Variants in GRM8 observed in about 807,000 individuals in gnomAD.
GRM8 encodes the protein metabotropic glutamate receptor 8.
A neutral mutation model predicts 87.2 loss-of-function variants in GRM8; 47 were observed. That is an observed-to-expected ratio of 0.54 (90% CI 0.43 to 0.69). The LOEUF is 0.69. GRM8 is among the 30% of genes least tolerant of loss of function. The pLI, the probability that GRM8 is intolerant of heterozygous loss-of-function variation, is 0.00. For missense variants in GRM8, 1,019 were observed against 1,139.2 expected (o/e 0.89, Z 1.52); for synonymous variants, 396 against 404.5 (o/e 0.98, Z 0.25).
At chr7:126,914,470 A>G (rs1469351182) in intron 3 of GRM8, among the ~76,000 whole-genome samples, 1 of 152,176 alleles carries the variant, frequency 6.6e-6, no homozygotes, top group African/African-American at 2.4e-5. Context: ...ACATGCACCT[A>G]TATGTTCCCC....
intron 7 of GRM8, among the ~76,000 whole-genome samples, chr7:126,699,225 G>A (rs751597974): frequency 5.3e-5 from 8 of 152,112 alleles, no homozygotes; most frequent in African/African-American, 9.7e-5. Context: ...AATGATAGAC[G>A]GAATGAGGTT....
At chr7:127,040,452 C>T (rs114208083) in intron 3 of GRM8, among the ~76,000 whole-genome samples, 3 of 152,226 alleles carry the variant, frequency 2.0e-5, no homozygotes, top group Non-Finnish European at 2.9e-5. Flanking sequence ...ATTCAGTTAC[C>T]GATGTGAAAC....
chr7:126,932,556 C>T (rs921186138), intron 3 of GRM8, among the ~76,000 whole-genome samples: 6 of 152,146 alleles, frequency 3.9e-5, no homozygotes, highest in African/African-American at 1.4e-4. Context: ...TTAAAGAGTA[C>T]ACTATCTTGC....
At chr7:127,113,636 C>T (rs1314456389) in intron 2 of GRM8, among the ~76,000 whole-genome samples, 1 of 152,124 alleles carries the variant, frequency 6.6e-6, no homozygotes, top group African/African-American at 2.4e-5. Flanking sequence ...AAGCCACATT[C>T]TTCCCTTAGG....
At chr7:126,585,213 A>G (rs1462486846) in intron 8 of GRM8, among the ~76,000 whole-genome samples, 1 of 152,160 alleles carries the variant, frequency 6.6e-6, no homozygotes, top group African/African-American at 2.4e-5. Context: ...ATATATAAGG[A>G]AGAAATTTTG....
chr7:127,070,279 T>C (rs1821543035), intron 3 of GRM8, among the ~76,000 whole-genome samples: 1 of 152,198 alleles, frequency 6.6e-6, no homozygotes, highest in African/African-American at 2.4e-5. Context: ...TAAGGATCAT[T>C]ATATACAAGC....
intron 8 of GRM8, among the ~76,000 whole-genome samples, chr7:126,548,773 A>G (rs1817452496): frequency 6.6e-6 from 1 of 152,226 alleles, no homozygotes; most frequent in South Asian, 2.1e-4. Flanking sequence ...TCAAGGACCC[A>G]TTAATTTAAA....
At chr7:127,123,792 T>C (rs1455403499) in intron 2 of GRM8, among the ~76,000 whole-genome samples, 1 of 152,158 alleles carries the variant, frequency 6.6e-6, no homozygotes, top group Non-Finnish European at 1.5e-5. Flanking sequence ...GAATGTATCT[T>C]TTTCTTCCCC....
At chr7:127,058,653 G>A (rs1820257507) in intron 3 of GRM8, among the ~76,000 whole-genome samples, 1 of 152,138 alleles carries the variant, frequency 6.6e-6, no homozygotes, top group African/African-American at 2.4e-5. Flanking sequence ...AAGTAATGGA[G>A]GATAGGAGGC....
At chr7:127,141,071 T>C (rs1193309586) in intron 2 of GRM8, among the ~76,000 whole-genome samples, 1 of 152,088 alleles carries the variant, frequency 6.6e-6, no homozygotes, top group Admixed American at 6.6e-5. Flanking sequence ...TCTTTGGAGG[T>C]GACCATCACT....
intron 9 of GRM8, among the ~76,000 whole-genome samples, chr7:126,530,813 AT>A (rs951861255): frequency 6.6e-6 from 1 of 151,950 alleles, no homozygotes. Flanking sequence ...GCATTTATTT[AT>A]TTTTTTTGGT....
chr7:127,205,968 A>ACCTGAT (rs915143959), intron 2 of GRM8, among the ~76,000 whole-genome samples: 2 of 152,160 alleles, frequency 1.3e-5, no homozygotes, highest in Non-Finnish European at 2.9e-5. Flanking sequence ...GGGATGACTA[A>ACCTGAT]CCTGATGCTC....
chr7:127,130,031 G>A (rs1827593974), intron 2 of GRM8, among the ~76,000 whole-genome samples: 1 of 152,124 alleles, frequency 6.6e-6, no homozygotes, highest in African/African-American at 2.4e-5. Flanking sequence ...TCATGATAGA[G>A]AGTTCTCATG....
At chr7:126,856,627 G>A (rs114740968) in intron 6 of GRM8, among the ~76,000 whole-genome samples, 3,052 of 152,254 alleles carry the variant, frequency 0.02, 110 homozygotes, top group African/African-American at 0.07. Context: ...AGATAAAGCA[G>A]GAAATATTTT....
At chr7:126,886,419 A>G (rs1800505823) in intron 6 of GRM8, among the ~76,000 whole-genome samples, 1 of 152,172 alleles carries the variant, frequency 6.6e-6, no homozygotes. Context: ...TAATTTGATC[A>G]GAGATCTAGT....
chr7:126,843,575 T>C (rs985833237), intron 6 of GRM8, among the ~76,000 whole-genome samples: 13 of 152,236 alleles, frequency 8.5e-5, no homozygotes, highest in Admixed American at 8.5e-4. Flanking sequence ...GTGATTGTTC[T>C]GGCAAACACA....
chr7:126,577,711 C>T (rs898077722), intron 8 of GRM8, among the ~76,000 whole-genome samples: 1 of 152,106 alleles, frequency 6.6e-6, no homozygotes, highest in Admixed American at 6.5e-5. Context: ...CTCAGCAATG[C>T]CAAAAGATAA....
chr7:126,519,322 G>A (rs973837059), intron 9 of GRM8, among the ~76,000 whole-genome samples: 10 of 152,052 alleles, frequency 6.6e-5, no homozygotes, highest in Admixed American at 1.3e-4. Context: ...AGATTTCATG[G>A]ATTAGTTGAT....
chr7:127,114,794 G>C (rs1826601610), intron 2 of GRM8, among the ~76,000 whole-genome samples: 1 of 152,158 alleles, frequency 6.6e-6, no homozygotes. Context: ...CATTTGAATA[G>C]ACCATTGAAT....
Sources: allele counts gnomAD v4.1 joint callset (sites outside exome capture counted in the v4.1 genomes callset), GRCh38; gene constraint gnomAD v4.1.1; transcripts MANE v1.5; gene names NCBI Gene and HGNC (gene_info 2026-07-23, HGNC 2026-07-21).